The following RNF157 variants were observed in gnomAD, a reference collection of about 807,000 sequenced individuals.
RNF157 encodes the protein E3 ubiquitin ligase RNF157.
RNF157 carries 55 observed loss-of-function variants against 88.3 expected under a neutral mutation model. The ratio of observed to expected loss-of-function variants is 0.62; its 90% CI spans 0.50 to 0.78. The LOEUF (loss-of-function observed/expected upper bound fraction) is 0.78. Ranked by LOEUF, RNF157 falls within the 30% of genes least tolerant of loss-of-function variation. The pLI is 0.00. For missense variants in RNF157, 788 were observed against 860.8 expected (o/e 0.92, Z 1.06); for synonymous variants, 334 against 341.2 (o/e 0.98, Z 0.23).
intron 18 of RNF157, among the ~76,000 whole-genome samples, chr17:76,149,786 C>A (rs143592692): frequency 0.011 from 1,683 of 152,220 alleles, 37 homozygotes; most frequent in African/African-American, 0.039. Flanking sequence ...GTAATCTCAG[C>A]ACTTTGGGGG....
intron 18 of RNF157, among the ~76,000 whole-genome samples, chr17:76,147,943 AT>A (rs1445762063): frequency 6.6e-6 from 1 of 152,232 alleles, no homozygotes; most frequent in Non-Finnish European, 1.5e-5. Context: ...TTGGGAGTAC[AT>A]TCAGGAAAAT....
chr17:76,157,789 C>G lies in RNF157; in HGVS notation c.1413+604G>C, dbSNP rs956836030. Among the ~76,000 whole-genome samples, 1 of 152,010 alleles carries G rather than the reference C, an allele frequency of 6.6e-6. No individual in the cohort carries two copies. The highest frequency in any genetic ancestry group is 1.5e-5 in the Non-Finnish European group (1 of 67,992). On this transcript the variant is annotated intron_variant, in intron 13 of 18. Transcript: ENST00000269391. This position sits in a 1 kb window ranked among gnomAD's most constrained non-coding sequence, Gnocchi z 5.6. ...TAGCTCAGTGCCCTACAGAGAGAAGCTGCATAAACCTTTGTTAAGTGAGGT... is the reference window on the plus strand; with the variant it reads ...TAGCTCAGTGCCCTACAGAGAGAAGGTGCATAAACCTTTGTTAAGTGAGGT...
chr17:76,171,336 G>A (rs1029360828), intron 3 of RNF157, among the ~76,000 whole-genome samples: 5 of 151,578 alleles, frequency 3.3e-5, no homozygotes, highest in Non-Finnish European at 5.9e-5. Flanking sequence ...TTACAGATGC[G>A]TGCCACCATG....
At chr17:76,173,552 T>C (rs2069053070) in intron 3 of RNF157, 150 bp downstream of exon 3, 1 of 606,360 alleles carries the variant, frequency 1.6e-6, no homozygotes, top group Non-Finnish European at 3.0e-6. Context: ...CAGCAGAAAG[T>C]AGCGCCCGCA....
At position 76,160,303 on chromosome 17, in the gene RNF157, T is replaced by A. The variant is rs2068828588; in HGVS notation, c.1066-730A>T. Among the ~76,000 whole-genome samples the A allele has an allele frequency of 1.3e-5, 2 of 152,186 alleles. No individual in the cohort carries two copies. Among genetic ancestry groups the A allele is most frequent in the African/African-American group, 4.8e-5 (2 of 41,442 alleles). ...TTTTTTCAAATTATGTTCTTGTTAT[T>A]AAATTATTAGCTCTTAGATGATGAG... On this transcript the variant is annotated intron_variant, in intron 11 of 18. Coordinates refer to ENST00000269391, the MANE Select transcript of RNF157 (RefSeq NM_052916.3). This position sits in a 1 kb window ranked among gnomAD's most constrained non-coding sequence, Gnocchi z 4.3.
intron 1 of RNF157, among the ~76,000 whole-genome samples, chr17:76,223,451 G>A (rs2070024370): frequency 6.6e-6 from 1 of 152,126 alleles, no homozygotes; most frequent in African/African-American, 2.4e-5. Context: ...GCCTCCCAAA[G>A]TGCTGGGATT....
At chr17:76,148,617 C>T (rs2068624721) in intron 18 of RNF157, among the ~76,000 whole-genome samples, 1 of 145,414 alleles carries the variant, frequency 6.9e-6, no homozygotes, top group South Asian at 2.2e-4. Flanking sequence ...GCCTCCCAGG[C>T]TGGAGTGCAG....
intron 14 of RNF157, 90 bp from the exon 15 acceptor site, chr17:76,155,824 AG>A: frequency 8.5e-7 from 1 of 1,175,282 alleles, no homozygotes; most frequent in Non-Finnish European, 1.2e-6. Flanking sequence ...CCCTGCATTC[AG>A]GCATTGAGGA....
At chr17:76,155,987 C>A (rs949980315) in intron 14 of RNF157, among the ~76,000 whole-genome samples, 2 of 152,242 alleles carry the variant, frequency 1.3e-5, no homozygotes, top group African/African-American at 4.8e-5. Context: ...AACCTCATTA[C>A]AGGAGGACTG....
intron 2 of RNF157, among the ~76,000 whole-genome samples, chr17:76,183,089 CAT>C (rs1194893623): frequency 1.3e-5 from 2 of 151,838 alleles, no homozygotes; most frequent in Non-Finnish European, 2.9e-5. Context: ...CGTCTGCCAC[CAT>C]GCCTGGCTAA....
Position 76,173,762 on chromosome 17 carries a change from T to G in RNF157, c.236A>C (p.Glu79Ala), listed in dbSNP as rs766349107. ...VFPYAAPPPQ[E>A]PVKTLRSLVN... ...CAGGCTTCTCAGAGTCTTCACGGGTTCTTGGGGAGGTGGGGCGGCGTAAGG... is the reference window on the plus strand; with the variant it reads ...CAGGCTTCTCAGAGTCTTCACGGGTGCTTGGGGAGGTGGGGCGGCGTAAGG... The change falls in exon 3 of 19, where the codon GAA becomes GCA. Residue 79 changes from glutamate (E) to alanine (A), a missense_variant. Coordinates refer to ENST00000269391, the MANE Select transcript of RNF157 (RefSeq NM_052916.3). 8 of 1,611,078 alleles carry G rather than the reference T, an allele frequency of 5.0e-6. No individual in the cohort carries two copies. The South Asian group carries it at 8.8e-5, about 18-fold the overall frequency.
intron 9 of RNF157, 95 bp downstream of exon 9, chr17:76,162,457 T>C: frequency 1.2e-6 from 1 of 852,852 alleles, no homozygotes; most frequent in South Asian, 1.4e-5. Context: ...CTAACTGATT[T>C]CAGAGTTTGG....
intron 2 of RNF157, among the ~76,000 whole-genome samples, chr17:76,200,173 C>T (rs1201972845): frequency 6.6e-6 from 1 of 151,476 alleles, no homozygotes; most frequent in South Asian, 2.1e-4. Context: ...ACCTGGGAAG[C>T]GGAGCTTGCA....
chr17:76,239,872 C>A (rs1187418838), intron 1 of RNF157, among the ~76,000 whole-genome samples: 1 of 152,160 alleles, frequency 6.6e-6, no homozygotes, highest in Non-Finnish European at 1.5e-5. Flanking sequence ...GCGTCCCCGT[C>A]ACGGGGCCGA....
intron 2 of RNF157, among the ~76,000 whole-genome samples, chr17:76,185,012 A>G (rs1198631605): frequency 1.3e-5 from 2 of 152,190 alleles, no homozygotes; most frequent in African/African-American, 4.8e-5. Context: ...GGTACGAAAA[A>G]CCTACCACAG....
chr17:76,224,916 A>C (rs2070053498), intron 1 of RNF157, among the ~76,000 whole-genome samples: 1 of 152,172 alleles, frequency 6.6e-6, no homozygotes, highest in Admixed American at 6.6e-5. Flanking sequence ...TCATGCCTGT[A>C]ATCCCAGCAC....
rs776858549 is a variant in RNF157, at chr17:76,159,386, C to A, written c.1253G>T (p.Arg418Leu). 1.9e-6 allele frequency: 3 copies of A among 1,613,140 alleles called. No homozygotes were observed. The highest frequency in any genetic ancestry group is 2.2e-5 in the South Asian group (2 of 90,780). ...PPVRTISPLD[R>L]LSDSSSQGLK... ...TCCCTGACTGCTGCTGTCAGACAGGCGGTCAAGAGGCGAGATCGTCCTGAC... is the reference window on the plus strand; with the variant it reads ...TCCCTGACTGCTGCTGTCAGACAGGAGGTCAAGAGGCGAGATCGTCCTGAC... The change falls in exon 12 of 19, where the codon CGC (arginine) becomes CTC (leucine). Residue 418 changes from arginine (R) to leucine (L), a missense_variant. By Grantham distance (102) the Arg-to-Leu change is moderately radical. Transcript: ENST00000269391.
chr17:76,188,856 G>A (rs1308112312), intron 2 of RNF157, among the ~76,000 whole-genome samples: 1 of 152,166 alleles, frequency 6.6e-6, no homozygotes, highest in African/African-American at 2.4e-5. Flanking sequence ...AAACAGGGCT[G>A]ATATCAACAG....
rs2068925942 is a variant in RNF157 at position 76,166,441 on chromosome 17, A to G, written c.628+20T>C. Reference sequence around the variant, plus strand: ...AAAAGAGCAGTGTGCACAGCCAAAGAGGACAGAAATCGCCCCTACCGTCTC... The same window carrying G: ...AAAAGAGCAGTGTGCACAGCCAAAGGGGACAGAAATCGCCCCTACCGTCTC... On this transcript the variant is annotated intron_variant, in intron 6 of 18. Coordinates refer to ENST00000269391, the MANE Select transcript of RNF157 (RefSeq NM_052916.3). 2.5e-6 allele frequency: 4 copies of G among 1,606,962 alleles called. No homozygotes were observed. The highest frequency in any genetic ancestry group is 3.4e-6 in the Non-Finnish European group (4 of 1,173,584).
Sources: allele counts gnomAD v4.1 joint callset (sites outside exome capture counted in the v4.1 genomes callset), GRCh38; gene constraint gnomAD v4.1.1; non-coding constraint Gnocchi (gnomAD v3.1); transcripts MANE v1.5; gene names NCBI Gene and HGNC (gene_info 2026-07-23, HGNC 2026-07-21).